Variants in CHST10 observed in about 807,000 individuals in gnomAD.
CHST10 encodes the protein carbohydrate sulfotransferase 10.
A neutral mutation model predicts 34.7 loss-of-function variants in CHST10; 24 were observed. The observed-to-expected ratio is 0.69, with a 90% CI of 0.50 to 0.97. The LOEUF (loss-of-function observed/expected upper bound fraction) is 0.97. Among genes scored for constraint, CHST10 ranks in the 50% least tolerant of loss-of-function variants. The pLI, the probability that CHST10 is intolerant of heterozygous loss-of-function variation, is 0.00. For missense variants in CHST10, 402 were observed against 452.1 expected (o/e 0.89, Z 1.00); for synonymous variants, 161 against 169.3 (o/e 0.95, Z 0.38).
chr2:100,414,449 G>C (rs1190090436), intron 2 of CHST10, among the ~76,000 whole-genome samples: 1 of 152,146 alleles, frequency 6.6e-6, no homozygotes, highest in African/African-American at 2.4e-5. Context: ...GAACTAGACA[G>C]ACCAGGGCTG....
chr2:100,393,415 G>A lies in CHST10; in HGVS notation c.901C>T (p.His301Tyr), dbSNP rs376357045. ...GGGATAGTCGGGTATGACACCAGGT[G>A]GTCAATGCCAGCCTCTTTTAAGATG... ...PYILKEAGID[H>Y]LVSYPTIPPG... Residue 301 changes from histidine (H) to tyrosine (Y), a missense_variant, in exon 7 of 7, where the codon CAC becomes TAC. Transcript: ENST00000264249. The A allele has an allele frequency of 7.6e-5, 122 of 1,613,976 alleles. No homozygotes were observed. The highest frequency in any genetic ancestry group is 9.9e-5 in the Non-Finnish European group (117 of 1,180,044).
chr2:100,416,826 C>T, intron 1 of CHST10: 3 of 509,650 alleles, frequency 5.9e-6, no homozygotes, highest in African/African-American at 2.0e-5. Flanking sequence ...GCAAAAATGA[C>T]ATTTTGGAAA....
chr2:100,402,384 C>T (rs1461252406), intron 4 of CHST10, among the ~76,000 whole-genome samples, 180 bp downstream of exon 4: 4 of 152,194 alleles, frequency 2.6e-5, no homozygotes, highest in East Asian at 3.9e-4. Flanking sequence ...CAAAAATAGA[C>T]GTGACCTGTG....
intron 2 of CHST10, chr2:100,408,164 T>A (rs1468941539): frequency 6.6e-6 from 1 of 151,730 alleles, no homozygotes; most frequent in Admixed American, 6.6e-5. Flanking sequence ...TTACATATAC[T>A]TATACTAAAA....
chr2:100,398,516 C>T (rs186815626), intron 4 of CHST10, among the ~76,000 whole-genome samples: 1 of 152,184 alleles, frequency 6.6e-6, no homozygotes, highest in Admixed American at 6.5e-5. Context: ...TCAGCCTGGC[C>T]AAGATAGTAA....
intron 2 of CHST10, among the ~76,000 whole-genome samples, chr2:100,411,531 T>C (rs966128441): frequency 2.6e-5 from 4 of 152,166 alleles, no homozygotes; most frequent in Admixed American, 2.0e-4. Flanking sequence ...TCAGGTCCAA[T>C]ATCTCTACAG....
intron 5 of CHST10, among the ~76,000 whole-genome samples, chr2:100,397,410 G>A (rs376168570): frequency 6.6e-6 from 1 of 152,270 alleles, no homozygotes; most frequent in Middle Eastern, 3.4e-3. Flanking sequence ...CTTCCTGCTC[G>A]CTGGCACAGA....
chr2:100,397,785 C>T (rs4149517), intron 5 of CHST10, 123 bp downstream of exon 5: 3 of 714,504 alleles, frequency 4.2e-6, no homozygotes, highest in Middle Eastern at 3.1e-4. Flanking sequence ...CCTGTCTGGA[C>T]GGCCACCAGT....
intron 5 of CHST10, among the ~76,000 whole-genome samples, chr2:100,396,535 T>C (rs1378840060): frequency 6.6e-6 from 1 of 152,156 alleles, no homozygotes; most frequent in African/African-American, 2.4e-5. Flanking sequence ...GTGGACACAG[T>C]CTTGTCTGTT....
At chr2:100,399,205 G>A (rs541533682) in intron 4 of CHST10, among the ~76,000 whole-genome samples, 3 of 151,332 alleles carry the variant, frequency 2.0e-5, no homozygotes, top group South Asian at 2.1e-4. Context: ...CCGGGTTCCC[G>A]CCATTCTCCT....
chr2:100,412,256 C>A (rs1486520760), intron 2 of CHST10, among the ~76,000 whole-genome samples: 1 of 152,230 alleles, frequency 6.6e-6, no homozygotes, highest in Non-Finnish European at 1.5e-5. Flanking sequence ...CCCATCATCT[C>A]TGGCTGTGGC....
Position 100,417,440 on chromosome 2 carries a change from C to G in CHST10, c.-170G>C. ...CTGGCCCTGGGGGCGCCGCGCGGGT[C>G]GGGCTTCGCCGGGCCTGTGGGCGAA... On this transcript the variant is annotated 5_prime_UTR_variant, in exon 1 of 7. Coordinates refer to ENST00000264249, the MANE Select transcript of CHST10 (RefSeq NM_004854.5). 5.8e-6 allele frequency: 1 copy of G among 172,676 alleles called. No individual in the cohort carries two copies. Among genetic ancestry groups the G allele is most frequent in the Non-Finnish European group, 1.2e-5 (1 of 80,986 alleles). 10.7% of individuals were successfully genotyped at this position (172,676 alleles called of 1,614,324 possible). A position where few individuals can be genotyped will look rare whatever the true frequency, so the allele number is the denominator to read the frequency against.
chr2:100,396,345 AG>A (rs1675058731), intron 5 of CHST10, among the ~76,000 whole-genome samples: 1 of 152,204 alleles, frequency 6.6e-6, no homozygotes, highest in South Asian at 2.1e-4. Context: ...AGACCATCCT[AG>A]GGTTGGTGGC....
At chr2:100,409,079 G>T (rs1000935733) in intron 2 of CHST10, among the ~76,000 whole-genome samples, 1 of 152,170 alleles carries the variant, frequency 6.6e-6, no homozygotes, top group Non-Finnish European at 1.5e-5. Context: ...TGCAGGTGAC[G>T]CGCTGACTCT....
chr2:100,409,732 C>A (rs1675743031), intron 2 of CHST10, among the ~76,000 whole-genome samples: 1 of 152,212 alleles, frequency 6.6e-6, no homozygotes, highest in Non-Finnish European at 1.5e-5. Context: ...TACCTGCACA[C>A]TCATCAGTCA....
At chr2:100,403,658 G>A (rs1014850334) in intron 3 of CHST10, among the ~76,000 whole-genome samples, 7 of 152,284 alleles carry the variant, frequency 4.6e-5, no homozygotes, top group Admixed American at 4.6e-4. Context: ...AGAGGACAGA[G>A]CTGAAAGGAG....
At chr2:100,397,474 C>G (rs1675113023) in intron 5 of CHST10, among the ~76,000 whole-genome samples, 2 of 152,194 alleles carry the variant, frequency 1.3e-5, no homozygotes, top group South Asian at 4.1e-4. Flanking sequence ...GCTCCCCTCC[C>G]AGGCTCTACA....
rs192518822 is a variant in CHST10, at chr2:100,402,750, G to C, written c.101-95C>G. On this transcript the variant is annotated intron_variant, in intron 3 of 6. Coordinates refer to ENST00000264249, the MANE Select transcript of CHST10 (RefSeq NM_004854.5). ...GGCCCCAGAAATAGAAGCTCTCAAA[G>C]ATGCCCAAATGCCTTTTGACAAAGC... 2.8e-6 allele frequency: 3 copies of C among 1,085,460 alleles called. No individual in the cohort carries two copies. The East Asian group carries it at 7.3e-5, about 27-fold the overall frequency. The allele number at this position is 1,085,460 out of a possible 1,614,324, so 67.2% of individuals were successfully genotyped here.
At chr2:100,412,204 A>G (rs1165563301) in intron 2 of CHST10, among the ~76,000 whole-genome samples, 1 of 152,194 alleles carries the variant, frequency 6.6e-6, no homozygotes, top group African/African-American at 2.4e-5. Flanking sequence ...AGGAGGGAGA[A>G]TTCTAACCCG....
Sources: allele counts gnomAD v4.1 joint callset (sites outside exome capture counted in the v4.1 genomes callset), GRCh38; gene constraint gnomAD v4.1.1; transcripts MANE v1.5; gene names NCBI Gene and HGNC (gene_info 2026-07-23, HGNC 2026-07-21).